FMN1: variants seen among roughly 807,000 people sequenced by gnomAD.
FMN1 encodes formin 1, also known as formin-1.
A neutral mutation model predicts 132.4 loss-of-function variants in FMN1; 110 were observed. The ratio of observed to expected loss-of-function variants is 0.83; its 90% CI spans 0.71 to 0.97. The LOEUF is 0.97. FMN1 is among the 50% of genes least tolerant of loss of function. The pLI is 0.00. For missense variants in FMN1, 1,792 were observed against 1,705.3 expected (o/e 1.05, Z -0.90); for synonymous variants, 722 against 651.7 (o/e 1.11, Z -1.64).
At chr15:33,131,047 A>C (rs1595544742) in intron 4 of FMN1, among the ~76,000 whole-genome samples, 2 of 152,290 alleles carry the variant, frequency 1.3e-5, no homozygotes, top group South Asian at 4.1e-4. Flanking sequence ...AAGCTGTATT[A>C]GGCCGGGTGC....
chr15:33,121,710 G>C lies in FMN1; in HGVS notation c.1867+31338C>G, dbSNP rs550184916. 1.8e-3 allele frequency among the ~76,000 whole-genome samples: 269 copies of C among 152,118 alleles called. 1 individual carries two copies. The highest frequency in any genetic ancestry group is 6.2e-3 in the African/African-American group (259 of 41,486). Reference sequence around the variant, plus strand: ...TGCCCAGCTTCTTTTTGTATGTTTAGTAGAGACAAGATTTCACCATGTTGG... The same window carrying C: ...TGCCCAGCTTCTTTTTGTATGTTTACTAGAGACAAGATTTCACCATGTTGG... On this transcript the variant is annotated intron_variant, in intron 4 of 20. Transcript: ENST00000616417.
At chr15:33,005,620 T>TA (rs1316170867) in intron 7 of FMN1, among the ~76,000 whole-genome samples, 1 of 151,930 alleles carries the variant, frequency 6.6e-6, no homozygotes, top group Non-Finnish European at 1.5e-5. Flanking sequence ...TAAAAAACTG[T>TA]AAGCATCTTC....
chr15:32,890,888 C>T (rs2060011081), intron 15 of FMN1, among the ~76,000 whole-genome samples: 1 of 152,150 alleles, frequency 6.6e-6, no homozygotes, highest in Admixed American at 6.5e-5. Context: ...AGATTTAAGT[C>T]CTTAATCCAT....
At chr15:32,830,960 C>G (rs1180063849) in intron 17 of FMN1, among the ~76,000 whole-genome samples, 4 of 152,096 alleles carry the variant, frequency 2.6e-5, no homozygotes, top group Non-Finnish European at 5.9e-5. Flanking sequence ...CCAAACACCC[C>G]CCACCACTAT....
intron 17 of FMN1, among the ~76,000 whole-genome samples, chr15:32,817,901 A>C (rs1259707354): frequency 6.6e-6 from 1 of 152,220 alleles, no homozygotes; most frequent in Non-Finnish European, 1.5e-5. Context: ...ATATGGTAAC[A>C]ATTTAACAAT....
intron 17 of FMN1, among the ~76,000 whole-genome samples, chr15:32,821,331 T>A (rs995571013): frequency 4.6e-5 from 7 of 152,066 alleles, no homozygotes; most frequent in African/African-American, 1.7e-4. Flanking sequence ...TTGCTGGCTA[T>A]TTACTTTTTC....
In FMN1 at chr15:32,896,559, G is replaced by A. The variant is rs202194624; in HGVS notation, c.3714+2275C>T. Reference sequence around the variant, plus strand: ...CTTCATCTTACGTGACTGAAACGCCGTATCCTCAATTCTCCATTTCCCCAT... The same window carrying A: ...CTTCATCTTACGTGACTGAAACGCCATATCCTCAATTCTCCATTTCCCCAT... On this transcript the variant is annotated intron_variant, in intron 15 of 20. Coordinates refer to ENST00000616417, the MANE Select transcript of FMN1 (RefSeq NM_001277313.2). 1.8e-4 allele frequency among the ~76,000 whole-genome samples: 28 copies of A among 152,110 alleles called. No individual in the cohort carries two copies. In the East Asian group the frequency reaches 3.7e-3, roughly 20 times the overall value.
chr15:33,056,650 T>A (rs1213064980), intron 6 of FMN1, among the ~76,000 whole-genome samples: 1 of 152,184 alleles, frequency 6.6e-6, no homozygotes, highest in African/African-American at 2.4e-5. Context: ...GAGGCAGCCT[T>A]AGGCTTAACT....
chr15:33,016,324 G>A (rs1023276053), intron 6 of FMN1, among the ~76,000 whole-genome samples: 3 of 152,094 alleles, frequency 2.0e-5, no homozygotes, highest in Admixed American at 1.3e-4. Flanking sequence ...GTAAGGCAGA[G>A]TCACAAGTCA....
chr15:32,807,952 G>A (rs576220132), intron 17 of FMN1, among the ~76,000 whole-genome samples: 1 of 152,114 alleles, frequency 6.6e-6, no homozygotes, highest in Non-Finnish European at 1.5e-5. Flanking sequence ...TTTTAAACCA[G>A]GCCATTACAC....
chr15:32,820,981 G>A (rs898350233), intron 17 of FMN1, among the ~76,000 whole-genome samples: 2 of 151,698 alleles, frequency 1.3e-5, no homozygotes, highest in Non-Finnish European at 1.5e-5. Context: ...AAGAGGTCTC[G>A]TATTTTAATA....
intron 3 of FMN1, among the ~76,000 whole-genome samples, chr15:33,161,093 T>G (rs1021571363): frequency 2.0e-5 from 3 of 152,240 alleles, no homozygotes; most frequent in Non-Finnish European, 4.4e-5. Flanking sequence ...AATGCAAAGC[T>G]TTCTTTGCCT....
intron 15 of FMN1, among the ~76,000 whole-genome samples, chr15:32,889,210 A>G: frequency 6.6e-6 from 1 of 152,228 alleles, no homozygotes; most frequent in Non-Finnish European, 1.5e-5. Flanking sequence ...AACAAGCTCC[A>G]CTGCTATAGC....
intron 5 of FMN1, among the ~76,000 whole-genome samples, chr15:33,078,849 T>C (rs1330184024): frequency 2.0e-5 from 3 of 152,098 alleles, no homozygotes; most frequent in Non-Finnish European, 4.4e-5. Context: ...GGAGTATAAA[T>C]GACGTACGTA....
intron 4 of FMN1, among the ~76,000 whole-genome samples, chr15:33,131,764 T>C (rs1963559787): frequency 6.6e-6 from 1 of 152,056 alleles, no homozygotes. Context: ...AGTACAAAGG[T>C]GTAGTCAACA....
chr15:33,064,810 C>T, intron 6 of FMN1, 147 bp downstream of exon 6: 1 of 554,756 alleles, frequency 1.8e-6, no homozygotes. Context: ...CAAAGGTTCA[C>T]TTTAACAGCA....
intron 7 of FMN1, among the ~76,000 whole-genome samples, chr15:32,983,547 A>G (rs1438969783): frequency 6.6e-6 from 1 of 152,234 alleles, no homozygotes; most frequent in East Asian, 1.9e-4. Context: ...AAAGATTGAT[A>G]TTATAAGTGA....
chr15:33,059,861 C>T (rs954076827), intron 6 of FMN1, among the ~76,000 whole-genome samples: 1 of 152,238 alleles, frequency 6.6e-6, no homozygotes, highest in African/African-American at 2.4e-5. Context: ...TTACTAGTAT[C>T]TCCTTGAACA....
chr15:33,067,997 G>A, intron 5 of FMN1: 3 of 1,464,950 alleles, frequency 2.0e-6, no homozygotes, highest in Non-Finnish European at 2.7e-6. Context: ...CAGGACCCGG[G>A]AGTCAGGCTG....
Sources: gnomAD v4.1 joint callset for allele counts (sites outside exome capture counted in the v4.1 genomes callset) on GRCh38, gnomAD v4.1.1 for gene constraint, MANE v1.5 for transcripts, NCBI Gene and HGNC (gene_info 2026-07-23, HGNC 2026-07-21) for gene names.